Variants in MAPKAPK3 observed in about 807,000 individuals in gnomAD.
MAPKAPK3 encodes MAP kinase-activated protein kinase 3.
MAPKAPK3 carries 35 observed loss-of-function variants against 49.2 expected under a neutral mutation model. The ratio of observed to expected loss-of-function variants is 0.71; its 90% CI spans 0.54 to 0.94. The LOEUF is 0.94. MAPKAPK3 is among the 40% of genes least tolerant of loss of function. The probability of loss-of-function intolerance (pLI) is 0.00; values close to 1 mark genes in which losing one functional copy is unlikely to be tolerated. For synonymous variants in MAPKAPK3, 178 were observed against 188.7 expected, an observed-to-expected ratio of 0.94 and a Z score of 0.46; for missense variants, 398 against 493.1, an observed-to-expected ratio of 0.81 and a Z score of 1.83.
chr3:50,627,010 C>T (rs2032764245), intron 2 of MAPKAPK3, among the ~76,000 whole-genome samples: 1 of 152,004 alleles, frequency 6.6e-6, no homozygotes, highest in Non-Finnish European at 1.5e-5. Flanking sequence ...GTGGTGAAAC[C>T]CCGTCTCTAC....
At chr3:50,635,272 G>T (rs1006914036) in intron 2 of MAPKAPK3, among the ~76,000 whole-genome samples, 1 of 152,162 alleles carries the variant, frequency 6.6e-6, no homozygotes, top group Non-Finnish European at 1.5e-5. Context: ...TGGGCTCCCT[G>T]GAAGAGGAGG....
intron 2 of MAPKAPK3, among the ~76,000 whole-genome samples, chr3:50,622,476 T>C (rs575081381): frequency 6.6e-6 from 1 of 152,314 alleles, no homozygotes; most frequent in Non-Finnish European, 1.5e-5. Flanking sequence ...TTTGACCCCT[T>C]TGATAATACT....
At chr3:50,639,805 C>T (rs1244373862) in intron 2 of MAPKAPK3, among the ~76,000 whole-genome samples, 1 of 152,162 alleles carries the variant, frequency 6.6e-6, no homozygotes, top group Non-Finnish European at 1.5e-5. Context: ...CTCCCCTCCC[C>T]AGCCTTTCCC....
chr3:50,631,741 G>A (rs1015865703), intron 2 of MAPKAPK3, among the ~76,000 whole-genome samples: 1 of 149,644 alleles, frequency 6.7e-6, no homozygotes, highest in African/African-American at 2.5e-5. Flanking sequence ...AGTATGGTAG[G>A]TTCAAAGTGT....
intron 2 of MAPKAPK3, among the ~76,000 whole-genome samples, chr3:50,636,544 G>C (rs2033045034): frequency 6.6e-6 from 1 of 152,204 alleles, no homozygotes; most frequent in East Asian, 1.9e-4. Flanking sequence ...CTTGATGGAA[G>C]TTTGGGTCCC....
At chr3:50,636,940 G>A (rs957611158) in intron 2 of MAPKAPK3, among the ~76,000 whole-genome samples, 1 of 152,114 alleles carries the variant, frequency 6.6e-6, no homozygotes, top group African/African-American at 2.4e-5. Flanking sequence ...TTCCGGGGAC[G>A]GCCCTCTCCC....
chr3:50,613,461 G>C (rs809451), upstream of MAPKAPK3, among the ~76,000 whole-genome samples: 129,407 of 152,178 alleles, frequency 0.85, 55,386 homozygotes, highest in East Asian at 0.95. Flanking sequence ...ATGGGGGTAG[G>C]GGGGATGGAT....
Position 50,639,183 on chromosome 3 carries a change from C to T in MAPKAPK3, c.220-1183C>T, listed in dbSNP as rs552114676. ...GCTGGGATGCACCCTGTGGGGATGA[C>T]TCTGCTATTATACCATTTTACAGAG... On this transcript the variant is annotated intron_variant, in intron 2 of 10. Coordinates refer to ENST00000621469, the MANE Select transcript of MAPKAPK3 (RefSeq NM_001243925.2). Among the ~76,000 whole-genome samples the T allele has an allele frequency of 9.2e-5, 14 of 152,328 alleles. No homozygotes were observed. The South Asian group carries it at 2.7e-3, about 29-fold the overall frequency.
intron 5 of MAPKAPK3, among the ~76,000 whole-genome samples, chr3:50,644,170 T>C (rs2033237449): frequency 1.3e-5 from 2 of 152,228 alleles, no homozygotes; most frequent in Admixed American, 6.5e-5. Flanking sequence ...TCTATGGCAC[T>C]TGGTCATTCA....
intron 2 of MAPKAPK3, among the ~76,000 whole-genome samples, chr3:50,637,944 A>G (rs1056317795): frequency 6.6e-6 from 1 of 152,160 alleles, no homozygotes; most frequent in Non-Finnish European, 1.5e-5. Context: ...GGTGGCAGGA[A>G]GTGAGGTGGG....
At chr3:50,645,671 C>G in intron 6 of MAPKAPK3, 39 bp from the exon 7 acceptor site, 1 of 1,577,236 alleles carries the variant, frequency 6.3e-7, no homozygotes, top group Non-Finnish European at 8.7e-7. Context: ...CTCCAAGACC[C>G]TTGGGTCTGA....
chr3:50,630,554 G>A (rs1023469615), intron 2 of MAPKAPK3, among the ~76,000 whole-genome samples: 8 of 152,264 alleles, frequency 5.3e-5, no homozygotes, highest in African/African-American at 1.9e-4. Flanking sequence ...TGACATGCCT[G>A]GTACAGGGCG....
chr3:50,612,330 C>G (rs1383295747), upstream of MAPKAPK3: 3 of 152,036 alleles, frequency 2.0e-5, no homozygotes, highest in Admixed American at 2.0e-4. Flanking sequence ...GGAGGTCTGT[C>G]GGCGTGTGCA....
chr3:50,648,229 G>A lies in MAPKAPK3; in HGVS notation c.*183G>A. On this transcript the variant is annotated 3_prime_UTR_variant, in exon 11 of 11. Coordinates refer to ENST00000621469, the MANE Select transcript of MAPKAPK3 (RefSeq NM_001243925.2). ...ACCCTAAACCTCCTTCAGATCTCTG[G>A]CCCAGGCTCAAGCCCTAGAGATGGG... The A allele has an allele frequency of 4.6e-6, 3 of 645,382 alleles. No homozygotes were observed. Among genetic ancestry groups the A allele is most frequent in the Non-Finnish European group, 7.8e-6 (3 of 386,184 alleles). 40.0% of individuals were successfully genotyped at this position (645,382 alleles called of 1,614,324 possible).
chr3:50,645,925 CT>C, intron 7 of MAPKAPK3, 140 bp downstream of exon 7: 1 of 1,011,744 alleles, frequency 9.9e-7, no homozygotes, highest in Non-Finnish European at 1.5e-6. Context: ...CTGCCCTTCC[CT>C]TTTGGTCATG....
At position 50,646,213 on chromosome 3, in the gene MAPKAPK3, C is replaced by T. The variant is rs1406756894; in HGVS notation, c.778C>T (p.Leu260=). ...ISPGMKRRIR[L]GQYGFPNPEW... ...CCCGGGGATGAAGAGGAGGATTCGC[C>T]TGGGCCAGTACGGCTTCCCCAATCC... Residue 260 remains leucine (L), a synonymous_variant, in exon 8 of 11, where the codon CTG becomes TTG. Transcript: ENST00000621469. 3 of 1,614,052 alleles carry T rather than the reference C, an allele frequency of 1.9e-6. No individual in the cohort carries two copies. The highest frequency in any genetic ancestry group is 1.7e-5 in the Admixed American group (1 of 60,000).
intron 4 of MAPKAPK3, 23 bp from the exon 5 acceptor site, chr3:50,642,230 C>T (rs776468489): frequency 3.2e-6 from 5 of 1,553,086 alleles, no homozygotes; most frequent in Non-Finnish European, 4.4e-6. Context: ...CATCACTGAC[C>T]CCCTCCTCCT....
chr3:50,642,423 A>T (rs2033198152), intron 5 of MAPKAPK3, 91 bp downstream of exon 5: 1 of 916,192 alleles, frequency 1.1e-6, no homozygotes, highest in East Asian at 2.4e-5. Context: ...CACTGGATGG[A>T]GGCCATGTTC....
upstream of MAPKAPK3, chr3:50,612,483 C>G (rs2107563255): frequency 6.6e-6 from 1 of 152,330 alleles, no homozygotes; most frequent in East Asian, 1.9e-4. Flanking sequence ...AGTGGGTCCA[C>G]TGAGGTCAAG....
Sources: gnomAD v4.1 joint callset for allele counts (sites outside exome capture counted in the v4.1 genomes callset) on GRCh38, gnomAD v4.1.1 for gene constraint, MANE v1.5 for transcripts, NCBI Gene and HGNC (gene_info 2026-07-23, HGNC 2026-07-21) for gene names.